Variants in SLCO1A2 observed in about 807,000 individuals in gnomAD.
SLCO1A2 encodes solute carrier organic anion transporter family member 1A2, also known as OATP-1.
SLCO1A2 carries 67 observed loss-of-function variants against 69.0 expected under a neutral mutation model. That is an observed-to-expected ratio of 0.97 (90% CI 0.80 to 1.19). SLCO1A2 has a LOEUF of 1.19. SLCO1A2 is among the 50% of genes most tolerant of loss of function. The pLI is 0.00. For missense variants in SLCO1A2, 787 were observed against 793.7 expected, an observed-to-expected ratio of 0.99 and a Z score of 0.10; for synonymous variants, 260 against 265.9, an observed-to-expected ratio of 0.98 and a Z score of 0.22.
intron 8 of SLCO1A2, 147 bp downstream of exon 8, chr12:21,300,201 C>A: frequency 3.9e-6 from 2 of 516,748 alleles, no homozygotes; most frequent in Non-Finnish European, 6.7e-6. Context: ...TAGGAAGAAT[C>A]GGACTAGTTA....
chr12:21,334,368 C>T (rs966182601), intron 2 of SLCO1A2, among the ~76,000 whole-genome samples: 2 of 152,034 alleles, frequency 1.3e-5, no homozygotes, highest in African/African-American at 4.8e-5. Context: ...ATTTAAGTCT[C>T]TCAAAGCCAT....
At chr12:21,395,646 G>C (rs1028552129), upstream of SLCO1A2, among the ~76,000 whole-genome samples, 1 of 152,226 alleles carries the variant, frequency 6.6e-6, no homozygotes, top group African/African-American at 2.4e-5. Context: ...GAAGAGAGCA[G>C]TGGGTCTCCC....
chr12:21,312,852 T>C (rs991016311), intron 4 of SLCO1A2, among the ~76,000 whole-genome samples: 2 of 152,080 alleles, frequency 1.3e-5, no homozygotes, highest in African/African-American at 4.8e-5. Context: ...GGCAGGCGCA[T>C]TGCTTGAACC....
At chr12:21,270,561 A>G (rs16923597) in intron 14 of SLCO1A2, among the ~76,000 whole-genome samples, 36,188 of 151,560 alleles carry the variant, frequency 0.24, 5,313 homozygotes, top group African/African-American at 0.41. Flanking sequence ...CATAATTTAC[A>G]AATGAATCAT....
chr12:21,273,306 C>CTATT (rs1175281640), intron 14 of SLCO1A2, among the ~76,000 whole-genome samples: 3 of 147,592 alleles, frequency 2.0e-5, no homozygotes, highest in East Asian at 1.9e-4. Context: ...GAGAGAGACA[C>CTATT]TATTTATATC....
chr12:21,301,200 A>T lies in SLCO1A2; in HGVS notation c.659T>A (p.Val220Asp), dbSNP rs756229293. ...GLLLASFCAN[V>D]YVDTGFVNTD... is the part of the protein sequence containing the mutation. The stretch of plus-strand genomic sequence containing the variant: ...GTTCACAAATCCAGTGTCAACATAA[A>T]CATTTGCACAGAATGATGCCAACAA... The change falls in exon 7 of 15, where the codon GTT becomes GAT. Residue 220 changes from valine to aspartate, a missense_variant. By Grantham distance (152) the Val-to-Asp change is radical. Transcript: ENST00000683939. The T allele has an allele frequency of 6.2e-7, 1 of 1,612,098 alleles. No homozygotes were observed. The highest frequency in any genetic ancestry group is 1.3e-5 in the African/African-American group (1 of 74,860).
chr12:21,336,432 T>G (rs201598340), upstream of SLCO1A2, among the ~76,000 whole-genome samples: 5 of 151,912 alleles, frequency 3.3e-5, no homozygotes, highest in African/African-American at 1.2e-4. Flanking sequence ...TCTGGAAGAT[T>G]TGCTTCAAAA....
chr12:21,407,339 T>C (rs555071786), intron 1 of SLCO1A2, among the ~76,000 whole-genome samples: 1 of 152,224 alleles, frequency 6.6e-6, no homozygotes, highest in African/African-American at 2.4e-5. Context: ...AAGAGAGTTA[T>C]CCTCACCGAG....
chr12:21,275,410 T>G lies in SLCO1A2; in HGVS notation c.1625A>C (p.Glu542Ala), dbSNP rs766408961. The change falls in exon 13 of 15, where the codon GAA (glutamate) becomes GCA (alanine). Residue 542 changes from glutamate (E) to alanine (A), a missense_variant. Glu to Ala is a moderately radical substitution (Grantham distance 107). Coordinates refer to ENST00000683939, the MANE Select transcript of SLCO1A2 (RefSeq NM_001386879.1). Reference sequence around the variant, plus strand: ...TAATCCCACACCAAGGGACTTCTCTTCAGATTTCATACACCTGAAAAGTAA... The same window carrying G: ...TAATCCCACACCAAGGGACTTCTCTGCAGATTTCATACACCTGAAAAGTAA... ...YMVLLRCMKS[E>A]EKSLGVGLHT... 1 of 1,507,888 alleles carries G rather than the reference T, an allele frequency of 6.6e-7. No homozygotes were observed. The highest frequency in any genetic ancestry group is 1.3e-5 in the South Asian group (1 of 75,336). 93.4% of individuals were successfully genotyped at this position (1,507,888 alleles called of 1,614,324 possible).
intron 5 of SLCO1A2, among the ~76,000 whole-genome samples, chr12:21,306,218 A>G (rs1252302332): frequency 2.0e-5 from 3 of 152,234 alleles, no homozygotes; most frequent in African/African-American, 4.8e-5. Context: ...TTCTGTCTCT[A>G]GTTCCTATTT....
chr12:21,286,125 A>G (rs1300311985), intron 12 of SLCO1A2, among the ~76,000 whole-genome samples: 1 of 149,416 alleles, frequency 6.7e-6, no homozygotes, highest in Non-Finnish European at 1.5e-5. Context: ...GTCTCAGCCC[A>G]AAATCTCCTT....
intron 1 of SLCO1A2, chr12:21,374,641 T>G (rs1940055392): frequency 1.3e-5 from 2 of 152,196 alleles, no homozygotes; most frequent in Non-Finnish European, 2.9e-5. Flanking sequence ...TGCTTTTTCA[T>G]AAAAATAACT....
chr12:21,344,474 G>A (rs1332014572), intron 2 of SLCO1A2, among the ~76,000 whole-genome samples: 1 of 151,956 alleles, frequency 6.6e-6, no homozygotes, highest in Non-Finnish European at 1.5e-5. Context: ...TCTTACTTTT[G>A]AATTTGATAT....
At chr12:21,321,711 C>T (rs1372484202) in intron 2 of SLCO1A2, among the ~76,000 whole-genome samples, 1 of 152,074 alleles carries the variant, frequency 6.6e-6, no homozygotes, top group Non-Finnish European at 1.5e-5. Context: ...CCTTTCTTCC[C>T]TTTGTTCACC....
chr12:21,310,259 A>T (rs1949945061), intron 4 of SLCO1A2, among the ~76,000 whole-genome samples: 1 of 152,198 alleles, frequency 6.6e-6, no homozygotes, highest in Non-Finnish European at 1.5e-5. Flanking sequence ...ACTCACATGA[A>T]TTTTTTTAAT....
chr12:21,411,687 ATTT>A (rs10618219), intron 1 of SLCO1A2, among the ~76,000 whole-genome samples: 7 of 149,918 alleles, frequency 4.7e-5, no homozygotes, highest in South Asian at 2.1e-4. Flanking sequence ...CATCAGTATA[ATTT>A]TTTTTTTTTT....
intron 1 of SLCO1A2, among the ~76,000 whole-genome samples, chr12:21,402,450 G>T (rs1023834330): frequency 6.6e-6 from 1 of 152,092 alleles, no homozygotes; most frequent in South Asian, 2.1e-4. Context: ...AAGGAAATGC[G>T]ATTGAAAAGT....
intron 1 of SLCO1A2, chr12:21,378,356 C>G (rs1940362050): frequency 6.2e-7 from 1 of 1,614,126 alleles, no homozygotes; most frequent in Non-Finnish European, 8.5e-7. Flanking sequence ...AACGTGGGAT[C>G]CAATACATAT....
intron 2 of SLCO1A2, among the ~76,000 whole-genome samples, chr12:21,350,835 C>CAAAAAAAAAACAAAA (rs1937889003): frequency 2.5e-5 from 1 of 40,732 alleles, no homozygotes; most frequent in African/African-American, 9.9e-5. Flanking sequence ...GACTCTGTCT[C>CAAAAAAAAAACAAAA]AAAAAAAAAA....
Sources: gnomAD v4.1 joint callset for allele counts (sites outside exome capture counted in the v4.1 genomes callset) on GRCh38, gnomAD v4.1.1 for gene constraint, MANE v1.5 for transcripts, NCBI Gene and HGNC (gene_info 2026-07-23, HGNC 2026-07-21) for gene names.